The following LRRC75A variants were observed in gnomAD, a reference collection of about 807,000 sequenced individuals.
LRRC75A encodes leucine rich repeat containing 75A.
Under a neutral mutation model 26.0 loss-of-function variants are expected in LRRC75A, and 12 were observed. The observed-to-expected ratio is 0.46, with a 90% CI of 0.30 to 0.75. The LOEUF is 0.75. LRRC75A is among the 30% of genes least tolerant of loss of function. LRRC75A has a pLI of 0.08. For missense variants in LRRC75A, 410 were observed against 486.6 expected, an observed-to-expected ratio of 0.84 and a Z score of 1.48; for synonymous variants, 223 against 219.3, an observed-to-expected ratio of 1.02 and a Z score of -0.15.
At chr17:16,467,517 A>G (rs2093778679) in intron 1 of LRRC75A, among the ~76,000 whole-genome samples, 1 of 152,160 alleles carries the variant, frequency 6.6e-6, no homozygotes, top group Non-Finnish European at 1.5e-5. Flanking sequence ...GTTTCCCCCC[A>G]GGAGGAATAC....
chr17:16,471,476 C>T (rs2093805914), intron 1 of LRRC75A, among the ~76,000 whole-genome samples: 1 of 152,348 alleles, frequency 6.6e-6, no homozygotes, highest in African/African-American at 2.4e-5. Flanking sequence ...GAGAAGAGAT[C>T]AAGGCAAGTG....
chr17:16,474,986 A>T (rs1162830579), intron 1 of LRRC75A, among the ~76,000 whole-genome samples: 1 of 142,306 alleles, frequency 7.0e-6, no homozygotes, highest in African/African-American at 2.7e-5. Context: ...ACGGTGCAAG[A>T]CTCCGTCTCA....
Position 16,471,379 on chromosome 17 carries a change from T to C in LRRC75A, c.247-8993A>G, listed in dbSNP as rs191069850. On this transcript the variant is annotated intron_variant, in intron 1 of 3. Transcript: ENST00000470794. ...GTCCAAGTCACTCAGCCAGTGGTCATTGGTTACGGCAGCCCCAGGAAATGA... is the reference window on the plus strand; with the variant it reads ...GTCCAAGTCACTCAGCCAGTGGTCACTGGTTACGGCAGCCCCAGGAAATGA... Among the ~76,000 whole-genome samples, 577 of 152,310 alleles carry C rather than the reference T, an allele frequency of 3.8e-3. 1 individual carries two copies. The highest frequency in any genetic ancestry group is 6.8e-3 in the Middle Eastern group (2 of 294).
chr17:16,448,771 C>T (rs921036715), intron 2 of LRRC75A, among the ~76,000 whole-genome samples: 1 of 152,154 alleles, frequency 6.6e-6, no homozygotes, highest in Non-Finnish European at 1.5e-5. Context: ...CACTTGAGGA[C>T]ACAGGAGGAG....
intron 1 of LRRC75A, among the ~76,000 whole-genome samples, chr17:16,488,447 A>G (rs892751643): frequency 2.6e-5 from 4 of 152,230 alleles, no homozygotes; most frequent in Non-Finnish European, 5.9e-5. Context: ...ACCCAAAGTG[A>G]GTAAGGCAGA....
intron 1 of LRRC75A, among the ~76,000 whole-genome samples, chr17:16,470,056 A>G (rs1456686874): frequency 6.6e-6 from 1 of 152,160 alleles, no homozygotes; most frequent in African/African-American, 2.4e-5. Flanking sequence ...CCATGTGTCT[A>G]GCAGTGAGGA....
At chr17:16,444,695 G>A (rs937212649) in intron 3 of LRRC75A, among the ~76,000 whole-genome samples, 1 of 151,922 alleles carries the variant, frequency 6.6e-6, no homozygotes, top group Admixed American at 6.6e-5. Flanking sequence ...TGGAGGCTGA[G>A]TGCCTTGCTC....
In LRRC75A at chr17:16,462,145, TTGTCCTCCTTGGGCCTGTC is replaced by T; in HGVS notation, c.375+94_375+112del. 7.4e-7 allele frequency: 1 copy of T among 1,345,706 alleles called. No homozygotes were observed. The allele number at this position is 1,345,706 out of a possible 1,614,324, so 83.4% of individuals were successfully genotyped here. A position where few individuals can be genotyped will look rare whatever the true frequency, so the allele number is the denominator to read the frequency against. On this transcript the variant is annotated intron_variant, in intron 2 of 3. Transcript: ENST00000470794. This position sits in a 1 kb window ranked among gnomAD's most constrained non-coding sequence, Gnocchi z 4.6. ...AGCTCTTGGTGCCTGGAGGACGGGC[TTGTCCTCCTTGGGCCTGTC>T]TGCCAGTCCTCCTTGGGCATACAGC...
At chr17:16,475,529 C>T (rs1264791647) in intron 1 of LRRC75A, among the ~76,000 whole-genome samples, 1 of 152,080 alleles carries the variant, frequency 6.6e-6, no homozygotes, top group Non-Finnish European at 1.5e-5. Context: ...TGAGGCTCAC[C>T]CATATTATGG....
intron 1 of LRRC75A, among the ~76,000 whole-genome samples, chr17:16,472,388 A>G (rs2093809246): frequency 6.6e-6 from 1 of 152,184 alleles, no homozygotes; most frequent in African/African-American, 2.4e-5. Flanking sequence ...GAAGGCGAGC[A>G]GGAGTTTGGT....
At chr17:16,447,286 G>A (rs1277696250) in intron 3 of LRRC75A, among the ~76,000 whole-genome samples, 1 of 151,880 alleles carries the variant, frequency 6.6e-6, no homozygotes, top group Non-Finnish European at 1.5e-5. Context: ...CAGGGCTGGG[G>A]TCTGGGTCCC....
In LRRC75A at chr17:16,462,592, CCTCTGCAGG is replaced by C. The variant is rs2093736467; in HGVS notation, c.247-215_247-207del. Among the ~76,000 whole-genome samples the C allele has an allele frequency of 6.6e-6, 1 of 152,224 alleles. No individual in the cohort carries two copies. Among genetic ancestry groups the C allele is most frequent in the African/African-American group, 2.4e-5 (1 of 41,450 alleles). ...CAAGTTGAGGAAGAGCAGGGACTGG[CCTCTGCAGG>C]CTCTGCAGTTTGTGCAGGTCCTGGC... On this transcript the variant is annotated intron_variant, in intron 1 of 3. Coordinates refer to ENST00000470794, the MANE Select transcript of LRRC75A (RefSeq NM_001113567.3). This position sits in a 1 kb window ranked among gnomAD's most constrained non-coding sequence, Gnocchi z 4.6.
intron 1 of LRRC75A, among the ~76,000 whole-genome samples, chr17:16,467,779 A>C (rs2093780708): frequency 6.6e-6 from 1 of 152,184 alleles, no homozygotes; most frequent in African/African-American, 2.4e-5. Flanking sequence ...GCCCTAGCAC[A>C]CTGTCCTCTT....
intron 1 of LRRC75A, among the ~76,000 whole-genome samples, chr17:16,485,262 A>G (rs1436821947): frequency 6.6e-6 from 1 of 152,188 alleles, no homozygotes; most frequent in Non-Finnish European, 1.5e-5. Flanking sequence ...CCTCCTCTCC[A>G]TTCTCAAATG....
Position 16,491,689 on chromosome 17 carries a change from C to T in LRRC75A, c.246+56G>A, listed in dbSNP as rs936132087. ...TCGGTTAGGGATGGGGCGCCCCCCCCGGCCCAGCACGCCCCCTGGCCCGGC... is the reference window on the plus strand; with the variant it reads ...TCGGTTAGGGATGGGGCGCCCCCCCTGGCCCAGCACGCCCCCTGGCCCGGC... On this transcript the variant is annotated intron_variant, in intron 1 of 3. Transcript: ENST00000470794. The surrounding 1 kb of genome is among the most constrained non-coding windows in gnomAD (Gnocchi z 5.9). 1 of 1,215,072 alleles carries T rather than the reference C, an allele frequency of 8.2e-7. No homozygotes were observed. The highest frequency in any genetic ancestry group is 1.0e-6 in the Non-Finnish European group (1 of 961,738). The allele number at this position is 1,215,072 out of a possible 1,614,324, so 75.3% of individuals were successfully genotyped here. A position where few individuals can be genotyped will look rare whatever the true frequency, so the allele number is the denominator to read the frequency against.
intron 1 of LRRC75A, among the ~76,000 whole-genome samples, chr17:16,482,370 G>A (rs1232726892): frequency 6.6e-6 from 1 of 152,104 alleles, no homozygotes; most frequent in Non-Finnish European, 1.5e-5. Context: ...GCCTGGAGGG[G>A]GCACTGCAGG....
At chr17:16,452,584 T>C (rs12940374) in intron 2 of LRRC75A, among the ~76,000 whole-genome samples, 16 of 151,998 alleles carry the variant, frequency 1.1e-4, no homozygotes, top group Non-Finnish European at 2.1e-4. Flanking sequence ...TACAGACGCC[T>C]GCCACCACAC....
At position 16,462,360 on chromosome 17, in the gene LRRC75A, T is replaced by C; in HGVS notation, c.273A>G (p.Leu91=). Residue 91 remains leucine, a synonymous_variant, in exon 2 of 4, where the codon CTA becomes CTG. Transcript: ENST00000470794. This position sits in a 1 kb window ranked among gnomAD's most constrained non-coding sequence, Gnocchi z 4.6. ...TGGCGTAGCGATACAGAACGTCGTC[T>C]AGCGAGGTCGACTCCATGCCCAGGT... ...RQDLGMESTS[L]DDVLYRYASF... 6.2e-7 allele frequency: 1 copy of C among 1,614,116 alleles called. No individual in the cohort carries two copies. Among genetic ancestry groups the C allele is most frequent in the South Asian group, 1.1e-5 (1 of 91,082 alleles).
At chr17:16,447,821 C>T (rs746601653) in intron 3 of LRRC75A, 24 bp downstream of exon 3, 9 of 1,503,464 alleles carry the variant, frequency 6.0e-6, no homozygotes, top group Middle Eastern at 2.3e-4. Context: ...CTGGCATAGA[C>T]CTGCCCGGGG....
Sources: allele counts gnomAD v4.1 joint callset (sites outside exome capture counted in the v4.1 genomes callset), GRCh38; gene constraint gnomAD v4.1.1; non-coding constraint Gnocchi (gnomAD v3.1); transcripts MANE v1.5; gene names NCBI Gene and HGNC (gene_info 2026-07-23, HGNC 2026-07-21).